Variants in NOL4 observed in about 807,000 individuals in gnomAD.
NOL4 encodes cancer/testis antigen 125.
A neutral mutation model predicts 75.9 loss-of-function variants in NOL4; 17 were observed. The ratio of observed to expected loss-of-function variants is 0.22; its 90% confidence interval spans 0.15 to 0.34. The LOEUF is 0.34. NOL4 is among the 10% of genes least tolerant of loss of function. The pLI, the probability that NOL4 is intolerant of heterozygous loss-of-function variation, is 1.00. For missense variants in NOL4, 614 were observed against 793.5 expected, an observed-to-expected ratio of 0.77 and a Z score of 2.72; for synonymous variants, 292 against 289.9, an observed-to-expected ratio of 1.01 and a Z score of -0.07.
At chr18:33,855,660 G>C (rs552405893) in intron 10 of NOL4, among the ~76,000 whole-genome samples, 1 of 152,082 alleles carries the variant, frequency 6.6e-6, no homozygotes, top group Admixed American at 6.6e-5. Flanking sequence ...GAAAATATAA[G>C]AGACAAAAGA....
At chr18:34,119,938 T>C (rs2080059131) in intron 2 of NOL4, among the ~76,000 whole-genome samples, 2 of 152,102 alleles carry the variant, frequency 1.3e-5, no homozygotes, top group Admixed American at 6.6e-5. Context: ...TTAAATAGGA[T>C]TAAGTTTGCT....
At chr18:34,152,393 T>G (rs2081685246) in intron 1 of NOL4, among the ~76,000 whole-genome samples, 1 of 151,924 alleles carries the variant, frequency 6.6e-6, no homozygotes, top group African/African-American at 2.4e-5. Flanking sequence ...GTCTTAGGTT[T>G]ATTTGGCTCT....
chr18:34,188,649 T>G (rs1485591401), intron 1 of NOL4, among the ~76,000 whole-genome samples: 2 of 152,170 alleles, frequency 1.3e-5, no homozygotes, highest in African/African-American at 4.8e-5. Flanking sequence ...CTAGAATGGC[T>G]CTCTGTCACT....
intron 9 of NOL4, among the ~76,000 whole-genome samples, chr18:33,923,394 T>TG (rs2084610799): frequency 6.6e-6 from 1 of 151,978 alleles, no homozygotes; most frequent in South Asian, 2.1e-4. Context: ...GAATTTTTTT[T>TG]GCTATTTTAT....
chr18:34,096,949 T>A (rs1262897538), intron 4 of NOL4, among the ~76,000 whole-genome samples: 2 of 152,150 alleles, frequency 1.3e-5, no homozygotes, highest in Non-Finnish European at 2.9e-5. Flanking sequence ...CCAGATATTA[T>A]CTATAAAGGG....
At chr18:33,952,639 G>C (rs1055616608) in intron 8 of NOL4, among the ~76,000 whole-genome samples, 10 of 152,226 alleles carry the variant, frequency 6.6e-5, no homozygotes, top group African/African-American at 2.4e-4. Flanking sequence ...TATGAAATTT[G>C]TTCTGCCAGG....
intron 10 of NOL4, among the ~76,000 whole-genome samples, chr18:33,857,089 T>A (rs2062871005): frequency 6.6e-6 from 1 of 152,094 alleles, no homozygotes; most frequent in African/African-American, 2.4e-5. Flanking sequence ...AAAGTCATTA[T>A]AGAATTCTAT....
intron 5 of NOL4, among the ~76,000 whole-genome samples, chr18:34,058,709 G>A (rs1462887767): frequency 1.3e-5 from 2 of 152,044 alleles, no homozygotes; most frequent in African/African-American, 2.4e-5. Flanking sequence ...ACTAGAAACT[G>A]TATCCACAGT....
chr18:34,185,331 C>T (rs1400198262), intron 1 of NOL4, among the ~76,000 whole-genome samples: 1 of 152,204 alleles, frequency 6.6e-6, no homozygotes, highest in Non-Finnish European at 1.5e-5. Context: ...GCCAAAGGAT[C>T]GGGATTTTTC....
At chr18:33,912,366 A>G (rs1330825918) in intron 9 of NOL4, among the ~76,000 whole-genome samples, 1 of 152,080 alleles carries the variant, frequency 6.6e-6, no homozygotes, top group African/African-American at 2.4e-5. Flanking sequence ...AAACCTTAAT[A>G]TATGTATGAA....
intron 10 of NOL4, among the ~76,000 whole-genome samples, chr18:33,873,786 C>A (rs2063804936): frequency 6.6e-6 from 1 of 151,956 alleles, no homozygotes. Context: ...CTTGCCTGCC[C>A]TTGTGCATAG....
At chr18:33,954,818 A>G (rs1180241589) in intron 8 of NOL4, among the ~76,000 whole-genome samples, 1 of 152,098 alleles carries the variant, frequency 6.6e-6, no homozygotes. Context: ...TATTCATGCT[A>G]ATAAAGACTG....
At chr18:34,033,236 G>T (rs1216298632) in intron 5 of NOL4, among the ~76,000 whole-genome samples, 1 of 151,932 alleles carries the variant, frequency 6.6e-6, no homozygotes, top group Non-Finnish European at 1.5e-5. Context: ...CCCAGAATAA[G>T]AAACTAAATT....
intron 6 of NOL4, among the ~76,000 whole-genome samples, chr18:34,014,928 T>A (rs12957424): frequency 0.14 from 20,656 of 151,992 alleles, 2,013 homozygotes; most frequent in East Asian, 0.38. Context: ...TTGTTTGATT[T>A]TATTCACAAT....
At chr18:33,946,204 T>C (rs1191496913) in intron 8 of NOL4, among the ~76,000 whole-genome samples, 1 of 151,704 alleles carries the variant, frequency 6.6e-6, no homozygotes, top group Non-Finnish European at 1.5e-5. Flanking sequence ...ATTTTAAATG[T>C]ATTTTTGCAG....
chr18:34,212,796 T>C (rs1007112358), intron 1 of NOL4, among the ~76,000 whole-genome samples: 1 of 152,172 alleles, frequency 6.6e-6, no homozygotes, highest in African/African-American at 2.4e-5. Context: ...TGCTCTCAGC[T>C]CTTAACCACA....
intron 1 of NOL4, among the ~76,000 whole-genome samples, chr18:34,212,299 T>G (rs1308372746): frequency 6.6e-6 from 1 of 152,226 alleles, no homozygotes; most frequent in East Asian, 1.9e-4. Flanking sequence ...TTTTACTAAA[T>G]TATAGACCAT....
At chr18:33,940,998 A>T (rs565565121) in intron 9 of NOL4, among the ~76,000 whole-genome samples, 6 of 152,148 alleles carry the variant, frequency 3.9e-5, no homozygotes, top group African/African-American at 1.4e-4. Context: ...CTTCAAAAAC[A>T]ATGATAAATC....
intron 9 of NOL4, among the ~76,000 whole-genome samples, chr18:33,903,724 T>G (rs191927178): frequency 1.3e-5 from 2 of 152,316 alleles, no homozygotes; most frequent in African/African-American, 4.8e-5. Context: ...GCTTCCTTTT[T>G]CAGTCATTCC....
Sources: allele counts gnomAD v4.1 joint callset (sites outside exome capture counted in the v4.1 genomes callset), GRCh38; gene constraint gnomAD v4.1.1; transcripts MANE v1.5; gene names NCBI Gene and HGNC (gene_info 2026-07-23, HGNC 2026-07-21).